The following CCSER1 variants were observed in gnomAD, a reference collection of about 807,000 sequenced individuals.
The protein encoded by CCSER1 is coiled-coil serine rich protein 1.
Under a neutral mutation model 82.0 loss-of-function variants are expected in CCSER1, and 41 were observed. That is an observed-to-expected ratio of 0.50 (90% CI 0.39 to 0.65). The LOEUF (loss-of-function observed/expected upper bound fraction) is 0.65, where lower values mean the gene tolerates loss of function less well. Among genes scored for constraint, CCSER1 ranks in the 30% least tolerant of loss-of-function variants. The pLI is 0.00. For synonymous variants in CCSER1, 414 were observed against 383.9 expected, an observed-to-expected ratio of 1.08 and a Z score of -0.92; for missense variants, 1,119 against 1,064.2, an observed-to-expected ratio of 1.05 and a Z score of -0.72.
At chr4:90,869,001 C>T (rs1389057460) in intron 8 of CCSER1, among the ~76,000 whole-genome samples, 1 of 151,918 alleles carries the variant, frequency 6.6e-6, no homozygotes, top group Non-Finnish European at 1.5e-5. Context: ...GTTTGTATGT[C>T]TTGTTTTGAG....
intron 8 of CCSER1, among the ~76,000 whole-genome samples, chr4:90,890,569 C>G (rs1409193988): frequency 1.3e-5 from 2 of 152,160 alleles, no homozygotes; most frequent in African/African-American, 2.4e-5. Context: ...CAGCTTTGCT[C>G]TCTTCACCAA....
chr4:90,834,892 C>T (rs558826295), intron 8 of CCSER1, among the ~76,000 whole-genome samples: 11 of 152,284 alleles, frequency 7.2e-5, no homozygotes, highest in Admixed American at 3.9e-4. Flanking sequence ...TTACCTGAAG[C>T]CACTCAAGTT....
At chr4:90,304,729 C>T (rs1026293765) in intron 1 of CCSER1, among the ~76,000 whole-genome samples, 4 of 151,856 alleles carry the variant, frequency 2.6e-5, no homozygotes, top group African/African-American at 9.7e-5. Context: ...AGCACAGCAG[C>T]ATGGCACATG....
intron 10 of CCSER1, among the ~76,000 whole-genome samples, chr4:91,415,783 T>A (rs188210349): frequency 1.2e-4 from 19 of 152,310 alleles, no homozygotes; most frequent in African/African-American, 4.6e-4. Flanking sequence ...ATATAAGCTT[T>A]CTGATGTGCT....
intron 10 of CCSER1, among the ~76,000 whole-genome samples, chr4:91,321,067 G>T (rs1196266901): frequency 6.6e-6 from 1 of 151,956 alleles, no homozygotes; most frequent in Non-Finnish European, 1.5e-5. Context: ...ACTTCTTCCT[G>T]TTATTTTATA....
intron 10 of CCSER1, among the ~76,000 whole-genome samples, chr4:91,267,061 A>G (rs1471431315): frequency 1.3e-5 from 2 of 152,144 alleles, no homozygotes; most frequent in South Asian, 4.1e-4. Context: ...CCCACATCCC[A>G]CATTCTACCT....
rs149954140 is a variant in CCSER1 at position 90,785,746 on chromosome 4, C to T, written c.2011-30016C>T. 1.6e-3 allele frequency among the ~76,000 whole-genome samples: 244 copies of T among 151,986 alleles called. 1 individual carries two copies. Among genetic ancestry groups the T allele is most frequent in the African/African-American group, 5.7e-3 (237 of 41,440 alleles). On this transcript the variant is annotated intron_variant, in intron 7 of 10. Coordinates refer to ENST00000509176, the MANE Select transcript of CCSER1 (RefSeq NM_001145065.2). ...TGTCAATTTTTTTTTACAATGTTAA[C>T]ATTTTAGTAGATTTTACAGTAACAT...
At chr4:90,213,384 T>C (rs1193345111) in intron 1 of CCSER1, among the ~76,000 whole-genome samples, 1 of 152,122 alleles carries the variant, frequency 6.6e-6, no homozygotes, top group Non-Finnish European at 1.5e-5. Context: ...GGTTGAGATG[T>C]CTATTGGACA....
chr4:91,585,755 T>C (rs929620802), intron 10 of CCSER1, among the ~76,000 whole-genome samples: 3 of 151,396 alleles, frequency 2.0e-5, no homozygotes, highest in African/African-American at 7.3e-5. Context: ...TTTAAGAAAC[T>C]CAAAGATGGC....
intron 1 of CCSER1, among the ~76,000 whole-genome samples, chr4:90,141,109 A>G (rs1045065203): frequency 6.6e-6 from 1 of 151,764 alleles, no homozygotes; most frequent in Non-Finnish European, 1.5e-5. Context: ...ATTGGCTTAC[A>G]TGACTGAAAT....
At chr4:91,365,923 T>C (rs760717063) in intron 10 of CCSER1, among the ~76,000 whole-genome samples, 15 of 152,216 alleles carry the variant, frequency 9.9e-5, no homozygotes, top group Non-Finnish European at 2.1e-4. Context: ...CAAAGATTTA[T>C]GTAAAATTAG....
chr4:91,358,304 C>T lies in CCSER1; in HGVS notation c.2218-240268C>T, dbSNP rs553638557. The stretch of plus-strand genomic sequence containing the variant: ...GTGCCATACCTTTGAAACAAGGGAC[C>T]TGTCCAGGCTTCCTCAATTCTTTCT... On this transcript the variant is annotated intron_variant, in intron 10 of 10. Coordinates refer to ENST00000509176, the MANE Select transcript of CCSER1 (RefSeq NM_001145065.2). 3.7e-4 allele frequency among the ~76,000 whole-genome samples: 56 copies of T among 150,930 alleles called. No homozygotes were observed. The South Asian group carries it at 0.011, about 29-fold the overall frequency.
intron 10 of CCSER1, among the ~76,000 whole-genome samples, chr4:91,148,315 A>T (rs1050695807): frequency 5.3e-5 from 8 of 152,028 alleles, no homozygotes; most frequent in African/African-American, 1.5e-4. Context: ...AAGTTCATTG[A>T]GCTCTTAAGA....
At chr4:90,985,532 C>T (rs1736510082) in intron 9 of CCSER1, among the ~76,000 whole-genome samples, 1 of 151,666 alleles carries the variant, frequency 6.6e-6, no homozygotes, top group Non-Finnish European at 1.5e-5. Flanking sequence ...TATAATAATG[C>T]CTCCCTTAAA....
At chr4:91,172,225 A>G (rs1314033499) in intron 10 of CCSER1, among the ~76,000 whole-genome samples, 1 of 152,158 alleles carries the variant, frequency 6.6e-6, no homozygotes, top group East Asian at 1.9e-4. Context: ...TCATTATGTA[A>G]TCTCTTAAAG....
intron 10 of CCSER1, among the ~76,000 whole-genome samples, chr4:91,425,078 T>G (rs1170794346): frequency 6.6e-6 from 1 of 152,128 alleles, no homozygotes; most frequent in Non-Finnish European, 1.5e-5. Flanking sequence ...AATGTATGGT[T>G]TATATATTTA....
At chr4:90,877,602 A>G (rs1001051506) in intron 8 of CCSER1, among the ~76,000 whole-genome samples, 3 of 152,082 alleles carry the variant, frequency 2.0e-5, no homozygotes, top group African/African-American at 7.2e-5. Flanking sequence ...ACTCTGACAC[A>G]GATAATTTGC....
chr4:90,502,688 G>A (rs1770095309), intron 5 of CCSER1, among the ~76,000 whole-genome samples: 3 of 152,062 alleles, frequency 2.0e-5, no homozygotes, highest in Non-Finnish European at 2.9e-5. Context: ...CAAGATCGAA[G>A]AAGAGAAAAT....
intron 7 of CCSER1, among the ~76,000 whole-genome samples, chr4:90,766,857 T>C (rs1277491953): frequency 6.6e-6 from 1 of 152,056 alleles, no homozygotes; most frequent in African/African-American, 2.4e-5. Flanking sequence ...ATATATGACA[T>C]CTAAGAACCC....
Sources: gnomAD v4.1 joint callset for allele counts (sites outside exome capture counted in the v4.1 genomes callset) on GRCh38, gnomAD v4.1.1 for gene constraint, MANE v1.5 for transcripts, NCBI Gene and HGNC (gene_info 2026-07-23, HGNC 2026-07-21) for gene names.